KLF9: variants seen among roughly 807,000 people sequenced by gnomAD.
KLF9 encodes Krueppel-like factor 9.
A neutral mutation model predicts 17.3 loss-of-function variants in KLF9; 2 were observed. The observed-to-expected ratio is 0.12, with a 90% CI of 0.05 to 0.36. The LOEUF is 0.36. KLF9 is among the 10% of genes least tolerant of loss of function. KLF9 has a pLI of 1.00. For synonymous variants in KLF9, 138 were observed against 139.2 expected (o/e 0.99, Z 0.06); for missense variants, 226 against 333.2 (o/e 0.68, Z 2.51).
intron 1 of KLF9, among the ~76,000 whole-genome samples, chr9:70,407,485 A>G (rs2037264131): frequency 6.6e-6 from 1 of 152,212 alleles, no homozygotes; most frequent in Non-Finnish European, 1.5e-5. Context: ...CAAGGGAAAC[A>G]GTGTGCGTAC....
intron 1 of KLF9, among the ~76,000 whole-genome samples, chr9:70,397,121 C>T (rs2037185965): frequency 6.6e-6 from 1 of 152,112 alleles, no homozygotes; most frequent in Admixed American, 6.5e-5. Context: ...GATCCATGAC[C>T]AAAGAGAGAA....
Position 70,409,128 on chromosome 9 carries a change from A to ATATGTG in KLF9, c.505+3730_505+3731insCACATA, listed in dbSNP as rs1225387296. On this transcript the variant is annotated intron_variant, in intron 1 of 1. Coordinates refer to ENST00000377126, the MANE Select transcript of KLF9 (RefSeq NM_001206.4). ...TGTATATATATACATATATGTATAT[A>ATATGTG]TGTATACATATATATGTATATGTAT... Among the ~76,000 whole-genome samples the ATATGTG allele has an allele frequency of 1.1e-3, 82 of 75,788 alleles. 5 individuals are homozygous for ATATGTG. The highest frequency in any genetic ancestry group is 2.1e-3 in the South Asian group (5 of 2,362). 49.7% of individuals were successfully genotyped at this position (75,788 alleles called of 152,430 possible).
At chr9:70,400,057 G>C (rs762546629) in intron 1 of KLF9, among the ~76,000 whole-genome samples, 1 of 152,168 alleles carries the variant, frequency 6.6e-6, no homozygotes, top group African/African-American at 2.4e-5. Flanking sequence ...GACAGCCTTC[G>C]AGACATGCCT....
intron 1 of KLF9, among the ~76,000 whole-genome samples, chr9:70,408,171 C>T (rs950202058): frequency 5.9e-5 from 9 of 152,062 alleles, no homozygotes; most frequent in Non-Finnish European, 7.4e-5. Context: ...GTCAGGAGTT[C>T]GAGACTAGCC....
rs988833352 is a variant in KLF9 at position 70,386,403 on chromosome 9, T to C, written c.*1373A>G. The C allele has an allele frequency of 3.9e-5, 6 of 152,658 alleles. No homozygotes were observed. Among genetic ancestry groups the C allele is most frequent in the Admixed American group, 6.5e-5 (1 of 15,284 alleles). 9.5% of individuals were successfully genotyped at this position (152,658 alleles called of 1,614,324 possible). On this transcript the variant is annotated 3_prime_UTR_variant, in exon 2 of 2. Transcript: ENST00000377126. ...AGATACAGTGATGTGATTTCATTCCTAGTATTCCATGTTGCCTGCATTCTC... is the reference window on the plus strand; with the variant it reads ...AGATACAGTGATGTGATTTCATTCCCAGTATTCCATGTTGCCTGCATTCTC...
At position 70,413,279 on chromosome 9, in the gene KLF9, C is replaced by A. The variant is rs898645365; in HGVS notation, c.85G>T (p.Val29Phe). ...SNRAAVPEHG[V>F]APDAERLRLP... Reference sequence around the variant, plus strand: ...CGCAGCCGCTCGGCGTCCGGAGCGACCCCATGCTCCGGCACCGCAGCGCGG... The same window carrying A: ...CGCAGCCGCTCGGCGTCCGGAGCGAACCCATGCTCCGGCACCGCAGCGCGG... Residue 29 changes from valine to phenylalanine, a missense_variant, in exon 1 of 2, where the codon GTC (valine) becomes TTC (phenylalanine). Physicochemically the swap from Val to Phe is conservative, Grantham distance 50. Transcript: ENST00000377126. This position sits in a 1 kb window ranked among gnomAD's most constrained non-coding sequence, Gnocchi z 5.6. 3.1e-6 allele frequency: 5 copies of A among 1,612,622 alleles called. No individual in the cohort carries two copies. The African/African-American group carries it at 6.7e-5, about 22-fold the overall frequency.
chr9:70,401,183 AAAAAAAT>A (rs1482414297), intron 1 of KLF9, among the ~76,000 whole-genome samples: 3 of 144,392 alleles, frequency 2.1e-5, no homozygotes, highest in Non-Finnish European at 3.1e-5. Flanking sequence ...AAAAAAAAAA[AAAAAAAT>A]TTTTTAAATT....
intron 1 of KLF9, 135 bp downstream of exon 1, chr9:70,412,724 A>T: frequency 1.2e-6 from 1 of 841,090 alleles, no homozygotes; most frequent in Non-Finnish European, 1.9e-6. Flanking sequence ...TAAATTATTT[A>T]AAGAGTTAAA....
intron 1 of KLF9, among the ~76,000 whole-genome samples, chr9:70,411,670 A>AT (rs1026187963): frequency 3.3e-5 from 5 of 152,044 alleles, no homozygotes; most frequent in Non-Finnish European, 7.4e-5. Flanking sequence ...ATCAAGTATC[A>AT]TTTTTTTCCA....
chr9:70,387,926 C>G lies in KLF9; in HGVS notation c.585G>C (p.Arg195=). The G allele has an allele frequency of 6.2e-7, 1 of 1,614,080 alleles. No homozygotes were observed. ...SRSDELTRHY[R]THTGEKQFRC... ...GGAACTGCTTTTCCCCAGTGTGGGT[C>G]CGGTAGTGGCGGGTCAGCTCGTCTG... Residue 195 remains arginine (R), a synonymous_variant, in exon 2 of 2, where the codon CGG becomes CGC. Transcript: ENST00000377126.
At chr9:70,399,166 C>A (rs1282497819) in intron 1 of KLF9, among the ~76,000 whole-genome samples, 4 of 152,118 alleles carry the variant, frequency 2.6e-5, no homozygotes, top group African/African-American at 9.7e-5. Context: ...GTTATATGGC[C>A]CTGCCTGAAA....
chr9:70,408,172 G>C (rs540104653), intron 1 of KLF9, among the ~76,000 whole-genome samples: 54 of 152,256 alleles, frequency 3.5e-4, no homozygotes, highest in African/African-American at 1.3e-3. Context: ...TCAGGAGTTC[G>C]AGACTAGCCC....
intron 1 of KLF9, among the ~76,000 whole-genome samples, chr9:70,394,024 C>CAA (rs10717844): frequency 1.2e-5 from 1 of 80,538 alleles, no homozygotes; most frequent in Non-Finnish European, 2.6e-5. Flanking sequence ...GACCCTGTCT[C>CAA]AAAAAAAAAA....
Position 70,413,813 on chromosome 9 carries a change from G to A in KLF9, c.-450C>T, listed in dbSNP as rs1052853220. On this transcript the variant is annotated 5_prime_UTR_variant, in exon 1 of 2. Transcript: ENST00000377126. The surrounding 1 kb of genome is among the most constrained non-coding windows in gnomAD (Gnocchi z 5.6). ...CCTCGCCGTCGAGCCAAAGCCCCAG[G>A]ACATTCACCCGATCACCCCGACGCG... The A allele has an allele frequency of 1.3e-5, 2 of 152,790 alleles. No individual in the cohort carries two copies. Among genetic ancestry groups the A allele is most frequent in the Non-Finnish European group, 2.9e-5 (2 of 68,180 alleles). 9.5% of individuals were successfully genotyped at this position (152,790 alleles called of 1,614,324 possible).
Position 70,384,731 on chromosome 9 carries a change from T to C in KLF9, c.*3045A>G, listed in dbSNP as rs187026305. 1.8e-4 allele frequency: 28 copies of C among 152,764 alleles called. No homozygotes were observed. The highest frequency in any genetic ancestry group is 5.8e-4 in the African/African-American group (24 of 41,578). The allele number at this position is 152,764 out of a possible 1,614,324, so 9.5% of individuals were successfully genotyped here. A position where few individuals can be genotyped will look rare whatever the true frequency, so the allele number is the denominator to read the frequency against. On this transcript the variant is annotated 3_prime_UTR_variant, in exon 2 of 2. Transcript: ENST00000377126. ...ACAGCAAAATAACTTAGGTCACTAATACTGTACAAAAATAAAACTGATTAA... is the reference window on the plus strand; with the variant it reads ...ACAGCAAAATAACTTAGGTCACTAACACTGTACAAAAATAAAACTGATTAA...
rs1228935612 is a variant in KLF9, at chr9:70,386,674, A to G, written c.*1102T>C. ...CACACATTCAAATAAAACCCAACAG[A>G]GTCAAAAGCTCTCTCCCCTAGTGGC... is the stretch of plus-strand genomic sequence containing the variant. On this transcript the variant is annotated 3_prime_UTR_variant, in exon 2 of 2. Transcript: ENST00000377126. 4 of 152,634 alleles carry G rather than the reference A, an allele frequency of 2.6e-5. No individual in the cohort carries two copies. The highest frequency in any genetic ancestry group is 4.4e-5 in the Non-Finnish European group (3 of 68,042). 9.5% of individuals were successfully genotyped at this position (152,634 alleles called of 1,614,324 possible). A position where few individuals can be genotyped will look rare whatever the true frequency, so the allele number is the denominator to read the frequency against.
chr9:70,412,039 A>C (rs917442212), intron 1 of KLF9, among the ~76,000 whole-genome samples: 3 of 152,046 alleles, frequency 2.0e-5, no homozygotes, highest in Non-Finnish European at 4.4e-5. Flanking sequence ...TTGTACGGCC[A>C]TGCCTCTCAC....
At chr9:70,404,610 CATA>C (rs1236099539) in intron 1 of KLF9, among the ~76,000 whole-genome samples, 3 of 151,422 alleles carry the variant, frequency 2.0e-5, no homozygotes, top group South Asian at 2.1e-4. Flanking sequence ...GTCTCAAAAT[CATA>C]ATAATAATAA....
chr9:70,394,566 GA>G (rs1413295416), intron 1 of KLF9, among the ~76,000 whole-genome samples: 1 of 152,104 alleles, frequency 6.6e-6, no homozygotes, highest in East Asian at 1.9e-4. Flanking sequence ...CATTTTCCAG[GA>G]AATACTAATG....
Sources: gnomAD v4.1 joint callset for allele counts (sites outside exome capture counted in the v4.1 genomes callset) on GRCh38, gnomAD v4.1.1 for gene constraint, Gnocchi (gnomAD v3.1) non-coding constraint, MANE v1.5 for transcripts, NCBI Gene and HGNC (gene_info 2026-07-23, HGNC 2026-07-21) for gene names.